Variants in PDE8A observed in about 807,000 individuals in gnomAD.
PDE8A encodes high affinity cAMP-specific and IBMX-insensitive 3',5'-cyclic phosphodiesterase 8A.
PDE8A carries 59 observed loss-of-function variants against 105.0 expected under a neutral mutation model. That is an observed-to-expected ratio of 0.56 (90% CI 0.46 to 0.70). The LOEUF is 0.70. Ranked by LOEUF, PDE8A falls within the 30% of genes least tolerant of loss-of-function variation. The pLI is 0.00. For synonymous variants in PDE8A, 355 were observed against 371.9 expected (o/e 0.95, Z 0.52); for missense variants, 1,014 against 1,045.9 (o/e 0.97, Z 0.42).
intron 1 of PDE8A, among the ~76,000 whole-genome samples, chr15:85,053,871 A>G (rs1169497765): frequency 6.6e-6 from 1 of 152,234 alleles, no homozygotes; most frequent in Non-Finnish European, 1.5e-5. Context: ...AGGAGTGGTG[A>G]GAGAGGGCAT....
At position 85,126,318 on chromosome 15, in the gene PDE8A, C is replaced by T; in HGVS notation, c.2197C>T (p.Pro733Ser). 1.2e-6 allele frequency: 2 copies of T among 1,612,982 alleles called. No homozygotes were observed. The highest frequency in any genetic ancestry group is 1.7e-6 in the Non-Finnish European group (2 of 1,179,538). ...KCADVSNPCR[P>S]LQYCIEWAAR... is the part of the protein sequence containing the mutation. The stretch of plus-strand genomic sequence containing the variant: ...TGCTGATGTGTCCAATCCCTGCCGA[C>T]CCCTGCAGTACTGCATCGAGTGGGC... Residue 733 changes from proline to serine, a missense_variant, in exon 20 of 22, where the codon CCC becomes TCC. Transcript: ENST00000394553.
intron 1 of PDE8A, among the ~76,000 whole-genome samples, chr15:85,053,211 T>G (rs1031335120): frequency 1.3e-5 from 2 of 152,214 alleles, no homozygotes; most frequent in African/African-American, 4.8e-5. Flanking sequence ...CCATGCTGTT[T>G]TGGTTACTGT....
intron 1 of PDE8A, among the ~76,000 whole-genome samples, chr15:84,984,621 T>C (rs930113752): frequency 2.0e-5 from 3 of 152,178 alleles, no homozygotes; most frequent in South Asian, 2.1e-4. Flanking sequence ...GGGTGGGAGA[T>C]TGATAACTAA....
intron 11 of PDE8A, among the ~76,000 whole-genome samples, chr15:85,104,646 T>C (rs566420137): frequency 2.0e-4 from 30 of 152,224 alleles, no homozygotes; most frequent in African/African-American, 6.0e-4. Flanking sequence ...ATATCTAGCT[T>C]GGCCACTGGA....
At chr15:85,113,509 AT>A (rs2082049800) in intron 13 of PDE8A, 62 bp downstream of exon 13, 1 of 1,394,878 alleles carries the variant, frequency 7.2e-7, no homozygotes, top group African/African-American at 1.4e-5. Context: ...CCCAAGGATC[AT>A]TTCCAATGAG....
At chr15:85,062,590 T>G (rs1033549822) in intron 1 of PDE8A, 1 of 152,220 alleles carries the variant, frequency 6.6e-6, no homozygotes, top group Non-Finnish European at 1.5e-5. Flanking sequence ...GTATCAGTGA[T>G]CAGAGCACAG....
chr15:85,113,900 G>T lies in PDE8A; in HGVS notation c.1213G>T (p.Glu405Ter). 1 of 1,613,412 alleles carries T rather than the reference G, an allele frequency of 6.2e-7. No homozygotes were observed. The highest frequency in any genetic ancestry group is 8.5e-7 in the Non-Finnish European group (1 of 1,179,480). Reference protein sequence around the residue: ...KVINIINAAQESSPMPVTEAL... With the variant: ...KVINIINAAQ ...AATCAATATTATCAATGCTGCCCAGGAAAGTAGTCCCATGCCTGTGACAGA... is the reference window on the plus strand; with the variant it reads ...AATCAATATTATCAATGCTGCCCAGTAAAGTAGTCCCATGCCTGTGACAGA... The change falls in exon 14 of 22, where the codon GAA becomes TAA. Residue 405 changes from glutamate (E) to a stop codon, truncating the protein, a stop_gained. Transcript: ENST00000394553. LOFTEE classifies it high-confidence loss of function.
intron 1 of PDE8A, among the ~76,000 whole-genome samples, chr15:85,060,194 T>C (rs2081121975): frequency 1.3e-5 from 2 of 152,226 alleles, no homozygotes; most frequent in Admixed American, 1.3e-4. Flanking sequence ...GTATATTCTG[T>C]AGCTACTTTC....
chr15:85,005,507 C>T (rs576367055), intron 1 of PDE8A, among the ~76,000 whole-genome samples: 1 of 152,202 alleles, frequency 6.6e-6, no homozygotes, highest in East Asian at 1.9e-4. Context: ...TTTATAGCAC[C>T]TCCGTCTTGA....
intron 1 of PDE8A, among the ~76,000 whole-genome samples, chr15:85,033,459 A>T (rs977006926): frequency 6.6e-6 from 1 of 152,128 alleles, no homozygotes; most frequent in African/African-American, 2.4e-5. Flanking sequence ...GAGGCTCAAG[A>T]ATACCTTCCC....
upstream of PDE8A, among the ~76,000 whole-genome samples, chr15:84,981,174 G>C (rs1195301966): frequency 6.6e-6 from 1 of 152,240 alleles, no homozygotes; most frequent in Non-Finnish European, 1.5e-5. Flanking sequence ...TCGGGACGGA[G>C]GTGGCTGTGT....
chr15:85,029,117 CT>C (rs1234941211), intron 1 of PDE8A, among the ~76,000 whole-genome samples: 1 of 151,878 alleles, frequency 6.6e-6, no homozygotes, highest in East Asian at 1.9e-4. Context: ...AAGGCCTCTC[CT>C]TTTTTTTGAA....
intron 5 of PDE8A, among the ~76,000 whole-genome samples, chr15:85,081,800 T>G (rs1241867334): frequency 1.3e-5 from 2 of 152,152 alleles, no homozygotes; most frequent in African/African-American, 4.8e-5. Flanking sequence ...ATGCTGTACA[T>G]TTGGTCACAT....
At position 84,997,640 on chromosome 15, in the gene PDE8A, C is replaced by T. The variant is rs569217277; in HGVS notation, c.186+15292C>T. 2.5e-4 allele frequency among the ~76,000 whole-genome samples: 37 copies of T among 150,128 alleles called. 1 individual carries two copies. Among genetic ancestry groups the T allele is most frequent in the Admixed American group, 1.5e-3 (23 of 15,118 alleles). ...AGAGTTTTGCTCTCGTTGCCCAGGC[C>T]GGAGTGCAATGGTGCGATCTTGGCT... On this transcript the variant is annotated intron_variant, in intron 1 of 21. Transcript: ENST00000394553.
chr15:85,095,953 G>A (rs2081743144), intron 8 of PDE8A, among the ~76,000 whole-genome samples: 1 of 151,502 alleles, frequency 6.6e-6, no homozygotes, highest in Non-Finnish European at 1.5e-5. Context: ...GCTGCTCACT[G>A]CAACCTCTGC....
At chr15:85,039,604 G>C (rs1299505013) in intron 1 of PDE8A, among the ~76,000 whole-genome samples, 1 of 152,120 alleles carries the variant, frequency 6.6e-6, no homozygotes, top group African/African-American at 2.4e-5. Flanking sequence ...CCACTTCTGA[G>C]TGTATATCCA....
At chr15:85,000,799 C>T (rs1375530352) in intron 1 of PDE8A, among the ~76,000 whole-genome samples, 1 of 152,182 alleles carries the variant, frequency 6.6e-6, no homozygotes, top group Non-Finnish European at 1.5e-5. Context: ...ACTGTAGAGC[C>T]AGGTAGCTAA....
At chr15:85,128,962 C>G (rs906528745) in intron 20 of PDE8A, among the ~76,000 whole-genome samples, 10 of 152,182 alleles carry the variant, frequency 6.6e-5, no homozygotes, top group African/African-American at 2.4e-4. Flanking sequence ...CTTTGGGAAG[C>G]AGTTTAGCAG....
chr15:85,135,188 C>T (rs1360630939), intron 20 of PDE8A, among the ~76,000 whole-genome samples: 1 of 152,106 alleles, frequency 6.6e-6, no homozygotes, highest in Non-Finnish European at 1.5e-5. Context: ...ATGGGGTGAG[C>T]TCTGCTGGCC....
Sources: gnomAD v4.1 joint callset for allele counts (sites outside exome capture counted in the v4.1 genomes callset) on GRCh38, gnomAD v4.1.1 for gene constraint, MANE v1.5 for transcripts, NCBI Gene and HGNC (gene_info 2026-07-23, HGNC 2026-07-21) for gene names.